SDK1: variants seen among roughly 807,000 people sequenced by gnomAD.
SDK1 encodes the protein protein sidekick-1.
A neutral mutation model predicts 245.5 loss-of-function variants in SDK1; 157 were observed. The ratio of observed to expected loss-of-function variants is 0.64; its 90% CI spans 0.56 to 0.73. The LOEUF (loss-of-function observed/expected upper bound fraction) is 0.73, where lower values mean the gene tolerates loss of function less well. SDK1 is among the 30% of genes least tolerant of loss of function. The pLI is 0.00. For synonymous variants in SDK1, 1,647 were observed against 1,278.5 expected, an observed-to-expected ratio of 1.29 and a Z score of -6.15; for missense variants, 3,583 against 3,002.3, an observed-to-expected ratio of 1.19 and a Z score of -4.52.
Position 3,565,891 on chromosome 7 carries a change from G to C in SDK1, c.299-53189G>C, listed in dbSNP as rs543474973. On this transcript the variant is annotated intron_variant, in intron 1 of 44. Transcript: ENST00000404826. ...CCATCCACAGTTGATCAGATCCATA[G>C]ATGTGGAACCCACAGATGCAGAGGA... Among the ~76,000 whole-genome samples the C allele has an allele frequency of 7.2e-5, 11 of 152,320 alleles. No individual in the cohort carries two copies. In the South Asian group the frequency reaches 2.3e-3, roughly 32 times the overall value.
intron 30 of SDK1, among the ~76,000 whole-genome samples, chr7:4,153,206 A>T (rs1584309237): frequency 6.6e-6 from 1 of 151,234 alleles, no homozygotes; most frequent in East Asian, 1.9e-4. Context: ...GAATGTCAGC[A>T]CCACGGCCCT....
At chr7:3,540,807 T>C (rs1423835682) in intron 1 of SDK1, among the ~76,000 whole-genome samples, 1 of 152,242 alleles carries the variant, frequency 6.6e-6, no homozygotes, top group Non-Finnish European at 1.5e-5. Context: ...CCATCATTCG[T>C]ATATCTATAA....
chr7:4,085,625 G>T (rs1415361515), intron 22 of SDK1, among the ~76,000 whole-genome samples: 1 of 152,132 alleles, frequency 6.6e-6, no homozygotes, highest in Admixed American at 6.5e-5. Flanking sequence ...CGTGATCTCA[G>T]ATCACTGCAA....
chr7:4,245,650 AATT>A (rs1786800733), intron 43 of SDK1, 23 bp from the exon 44 acceptor site: 3 of 1,609,684 alleles, frequency 1.9e-6, no homozygotes, highest in Non-Finnish European at 2.5e-6. Flanking sequence ...CCCAGAGGGT[AATT>A]GCAGCATGGG....
intron 4 of SDK1, among the ~76,000 whole-genome samples, chr7:3,813,499 T>A (rs1373359019): frequency 6.9e-6 from 1 of 144,672 alleles, no homozygotes; most frequent in Non-Finnish European, 1.5e-5. Context: ...ATTTTCTTAA[T>A]CCAGTCTATC....
At chr7:3,969,917 C>G (rs957380876) in intron 11 of SDK1, among the ~76,000 whole-genome samples, 2 of 152,218 alleles carry the variant, frequency 1.3e-5, no homozygotes, top group East Asian at 1.9e-4. Flanking sequence ...AACTAAGACA[C>G]TTCTAATATA....
chr7:3,862,909 A>G lies in SDK1; in HGVS notation c.847+41326A>G, dbSNP rs915409075. On this transcript the variant is annotated intron_variant, in intron 5 of 44. Transcript: ENST00000404826. ...ACCCATATGGATCCCTGGCATGCAC[A>G]GTTCACAATAGGGTTTGTGCTCCTA... Among the ~76,000 whole-genome samples, 4 of 152,192 alleles carry G rather than the reference A, an allele frequency of 2.6e-5. No individual in the cohort carries two copies. The East Asian group carries it at 5.8e-4, about 22-fold the overall frequency.
chr7:3,472,655 C>T (rs1471551455), intron 1 of SDK1, among the ~76,000 whole-genome samples: 2 of 152,198 alleles, frequency 1.3e-5, no homozygotes, highest in African/African-American at 4.8e-5. Flanking sequence ...TAAAACAAAT[C>T]AGTATCTCAT....
intron 1 of SDK1, among the ~76,000 whole-genome samples, chr7:3,485,887 G>A (rs1781680257): frequency 6.6e-6 from 1 of 151,480 alleles, no homozygotes; most frequent in Non-Finnish European, 1.5e-5. Context: ...GTCCCGTTAG[G>A]ACAGTTTATA....
intron 22 of SDK1, among the ~76,000 whole-genome samples, chr7:4,088,526 C>T (rs903455392): frequency 1.3e-5 from 2 of 150,158 alleles, no homozygotes; most frequent in African/African-American, 4.9e-5. Context: ...TAAGATGATT[C>T]TTTTCTGATC....
At chr7:4,027,200 C>A (rs1301623673) in intron 17 of SDK1, among the ~76,000 whole-genome samples, 1 of 152,166 alleles carries the variant, frequency 6.6e-6, no homozygotes, top group African/African-American at 2.4e-5. Flanking sequence ...CCCAGGAGAA[C>A]TGATACTGCA....
intron 1 of SDK1, among the ~76,000 whole-genome samples, chr7:3,321,042 C>T (rs935968275): frequency 1.3e-5 from 2 of 152,158 alleles, no homozygotes; most frequent in African/African-American, 4.8e-5. Context: ...GCTAATATAA[C>T]ATAGGATATG....
At chr7:4,064,365 A>G (rs1254092220) in intron 19 of SDK1, among the ~76,000 whole-genome samples, 4 of 152,226 alleles carry the variant, frequency 2.6e-5, no homozygotes, top group Non-Finnish European at 5.9e-5. Flanking sequence ...TCAAAACCTC[A>G]ATGAGGTACC....
chr7:4,080,285 G>A (rs770110028), intron 22 of SDK1, among the ~76,000 whole-genome samples: 23 of 152,252 alleles, frequency 1.5e-4, no homozygotes, highest in East Asian at 1.9e-4. Flanking sequence ...GCTGGAGCAC[G>A]CAGGGGTCCG....
intron 5 of SDK1, among the ~76,000 whole-genome samples, chr7:3,850,219 AG>A (rs1256111363): frequency 5.3e-5 from 8 of 152,232 alleles, no homozygotes; most frequent in African/African-American, 1.9e-4. Context: ...TGGCAAGCTA[AG>A]AAGCCTTCTT....
intron 28 of SDK1, among the ~76,000 whole-genome samples, chr7:4,141,766 G>A (rs970432259): frequency 6.6e-6 from 1 of 152,026 alleles, no homozygotes; most frequent in African/African-American, 2.4e-5. Context: ...TGTTTTTGTT[G>A]TTGTTTTTGA....
At position 3,722,870 on chromosome 7, in the gene SDK1, C is replaced by G. The variant is rs566258590; in HGVS notation, c.713+80765C>G. Among the ~76,000 whole-genome samples the G allele has an allele frequency of 9.8e-5, 15 of 152,352 alleles. 1 individual carries two copies. In the East Asian group the frequency reaches 1.3e-3, roughly 14 times the overall value. ...ACTCCCCTCCTGGCCATTCCCCCTC[C>G]TCTCTCAGGACATATGCTTTCCCCA... On this transcript the variant is annotated intron_variant, in intron 4 of 44. Transcript: ENST00000404826.
intron 5 of SDK1, among the ~76,000 whole-genome samples, chr7:3,878,738 TCTC>T (rs1445821635): frequency 6.6e-6 from 1 of 152,176 alleles, no homozygotes; most frequent in Non-Finnish European, 1.5e-5. Flanking sequence ...TCTCTTTTCT[TCTC>T]ACCCACCTTC....
At chr7:3,507,938 A>C (rs557673665) in intron 1 of SDK1, among the ~76,000 whole-genome samples, 1 of 152,218 alleles carries the variant, frequency 6.6e-6, no homozygotes, top group African/African-American at 2.4e-5. Flanking sequence ...TCTCGGTCTT[A>C]ATCTCACTTG....
Sources: gnomAD v4.1 joint callset for allele counts (sites outside exome capture counted in the v4.1 genomes callset) on GRCh38, gnomAD v4.1.1 for gene constraint, MANE v1.5 for transcripts, NCBI Gene and HGNC (gene_info 2026-07-23, HGNC 2026-07-21) for gene names.